Variants in KLF14 observed in about 807,000 individuals in gnomAD.
KLF14 encodes KLF transcription factor 14.
KLF14 carries 13 observed loss-of-function variants against 16.2 expected under a neutral mutation model. The ratio of observed to expected loss-of-function variants is 0.80; its 90% CI spans 0.52 to 1.28. KLF14 has a LOEUF of 1.28. Ranked by LOEUF, KLF14 falls within the 50% of genes most tolerant of loss-of-function variation. KLF14 has a pLI of 0.00. For synonymous variants in KLF14, 276 were observed against 233.7 expected (o/e 1.18, Z -1.65); for missense variants, 571 against 493.4 (o/e 1.16, Z -1.49).
At position 130,732,488 on chromosome 7, in the gene KLF14, G is replaced by A. The variant is rs1373619447; in HGVS notation, c.*574C>T. ...CCTAGCAGAGGTAGCTGGGGCAATT[G>A]GGGGATTGGAGGGCATAAGCCTCCC... On this transcript the variant is annotated 3_prime_UTR_variant, in exon 1 of 1. Transcript: ENST00000583337. 1.3e-5 allele frequency: 2 copies of A among 152,492 alleles called. No homozygotes were observed. The highest frequency in any genetic ancestry group is 2.1e-4 in the South Asian group (1 of 4,840). 9.4% of individuals were successfully genotyped at this position (152,492 alleles called of 1,614,324 possible).
rs1432478584 is a variant in KLF14 at position 130,734,001 on chromosome 7, G to A, written c.33C>T (p.Phe11=). Residue 11 remains phenylalanine, a synonymous_variant, in exon 1 of 1, where the codon TTC becomes TTT. Coordinates refer to ENST00000583337, the MANE Select transcript of KLF14 (RefSeq NM_138693.4). The surrounding 1 kb of genome is among the most constrained non-coding windows in gnomAD (Gnocchi z 4.4). MSAAVACLDY[F]AAECLVSMSA... is the part of the protein sequence containing the mutation. Reference sequence around the variant, plus strand: ...ACATGGACACCAGGCACTCGGCGGCGAAGTAGTCCAGGCACGCCACGGCGG... The same window carrying A: ...ACATGGACACCAGGCACTCGGCGGCAAAGTAGTCCAGGCACGCCACGGCGG... The A allele has an allele frequency of 1.5e-6, 2 of 1,371,980 alleles. No individual in the cohort carries two copies. Among genetic ancestry groups the A allele is most frequent in the East Asian group, 7.0e-5 (2 of 28,588 alleles). 85.0% of individuals were successfully genotyped at this position (1,371,980 alleles called of 1,614,324 possible). A position where few individuals can be genotyped will look rare whatever the true frequency, so the allele number is the denominator to read the frequency against.
chr7:130,733,773 G>T lies in KLF14; in HGVS notation c.261C>A (p.Ser87Arg), dbSNP rs782322641. ...GGAAPHLLAA[S>R]VWADLRGSSG... ...AGCTGCCGCGCAAGTCCGCCCAGAC[G>T]CTTGCAGCCAGCAGGTGGGGCGCGG... Residue 87 changes from serine to arginine, a missense_variant, in exon 1 of 1, where the codon AGC (serine) becomes AGA (arginine). Coordinates refer to ENST00000583337, the MANE Select transcript of KLF14 (RefSeq NM_138693.4). This position sits in a 1 kb window ranked among gnomAD's most constrained non-coding sequence, Gnocchi z 5.2. The T allele has an allele frequency of 1.3e-6, 2 of 1,509,228 alleles. No homozygotes were observed. The highest frequency in any genetic ancestry group is 1.8e-6 in the Non-Finnish European group (2 of 1,136,574). The allele number at this position is 1,509,228 out of a possible 1,614,324, so 93.5% of individuals were successfully genotyped here.
At position 130,733,806 on chromosome 7, in the gene KLF14, C is replaced by T. The variant is rs531488694; in HGVS notation, c.228G>A (p.Ala76=). 610 of 1,460,358 alleles carry T rather than the reference C, an allele frequency of 4.2e-4. 5 individuals carry two copies. The African/African-American group carries it at 8.2e-3, about 20-fold the overall frequency. 90.5% of individuals were successfully genotyped at this position (1,460,358 alleles called of 1,614,324 possible). A position where few individuals can be genotyped will look rare whatever the true frequency, so the allele number is the denominator to read the frequency against. Reference sequence around the variant, plus strand: ...CCAGCAGGTGGGGCGCGGCGCCGCCCGCGCCGGGGCTGGGGGCGGGGACCT... The same window carrying T: ...CCAGCAGGTGGGGCGCGGCGCCGCCTGCGCCGGGGCTGGGGGCGGGGACCT... ...LPQVPAPSPG[A]GGAAPHLLAA... is the part of the protein sequence containing the mutation. Residue 76 remains alanine, a synonymous_variant, in exon 1 of 1, where the codon GCG becomes GCA. Transcript: ENST00000583337. This position sits in a 1 kb window ranked among gnomAD's most constrained non-coding sequence, Gnocchi z 5.2.
At position 130,733,631 on chromosome 7, in the gene KLF14, C is replaced by T. The variant is rs782557540; in HGVS notation, c.403G>A (p.Ala135Thr). ...CTCTCGGGAGCGCAGACCGCCGCGG[C>T]GCCGGAGGCGGGAGCCAGCTCGGAG... Reference protein sequence around the residue: ...PCSELAPASGAAAVCAPESSS... With the variant: ...PCSELAPASGTAAVCAPESSS... Residue 135 changes from alanine (A) to threonine (T), a missense_variant, in exon 1 of 1, where the codon GCC becomes ACC. Coordinates refer to ENST00000583337, the MANE Select transcript of KLF14 (RefSeq NM_138693.4). The surrounding 1 kb of genome is among the most constrained non-coding windows in gnomAD (Gnocchi z 5.2). 4 of 1,537,260 alleles carry T rather than the reference C, an allele frequency of 2.6e-6. No individual in the cohort carries two copies. The highest frequency in any genetic ancestry group is 2.0e-5 in the Admixed American group (1 of 49,244).
In KLF14 at chr7:130,733,015, G is replaced by A. The variant is rs1554470747; in HGVS notation, c.*47C>T. 6.6e-7 allele frequency: 1 copy of A among 1,517,340 alleles called. No individual in the cohort carries two copies. Among genetic ancestry groups the A allele is most frequent in the Non-Finnish European group, 8.8e-7 (1 of 1,135,768 alleles). 94.0% of individuals were successfully genotyped at this position (1,517,340 alleles called of 1,614,324 possible). A position where few individuals can be genotyped will look rare whatever the true frequency, so the allele number is the denominator to read the frequency against. ...TGGGCAGAGAGAAAGCAGGGACAAC[G>A]GCCTGGGGGATCATCCTTGAGGGTA... On this transcript the variant is annotated 3_prime_UTR_variant, in exon 1 of 1. Transcript: ENST00000583337. This position sits in a 1 kb window ranked among gnomAD's most constrained non-coding sequence, Gnocchi z 5.2.
chr7:130,733,816 C>T lies in KLF14; in HGVS notation c.218G>A (p.Ser73Asn). ...VPQLPQVPAPSPGAGGAAPHL... is the reference protein window; with the variant it reads ...VPQLPQVPAPNPGAGGAAPHL... Reference sequence around the variant, plus strand: ...GGGCGCGGCGCCGCCCGCGCCGGGGCTGGGGGCGGGGACCTGCGGGAGCTG... The same window carrying T: ...GGGCGCGGCGCCGCCCGCGCCGGGGTTGGGGGCGGGGACCTGCGGGAGCTG... Residue 73 changes from serine to asparagine, a missense_variant, in exon 1 of 1, where the codon AGC becomes AAC. By Grantham distance (46) the Ser-to-Asn change is conservative. Coordinates refer to ENST00000583337, the MANE Select transcript of KLF14 (RefSeq NM_138693.4). The surrounding 1 kb of genome is among the most constrained non-coding windows in gnomAD (Gnocchi z 5.2). 5 of 1,438,996 alleles carry T rather than the reference C, an allele frequency of 3.5e-6. No homozygotes were observed. In the East Asian group the frequency reaches 1.2e-4, roughly 34 times the overall value. 89.1% of individuals were successfully genotyped at this position (1,438,996 alleles called of 1,614,324 possible). A position where few individuals can be genotyped will look rare whatever the true frequency, so the allele number is the denominator to read the frequency against.
chr7:130,733,758 C>G lies in KLF14; in HGVS notation c.276G>C (p.Leu92Phe), dbSNP rs993166133. ...HLLAASVWAD[L>F]RGSSGEGSWE... ...AGGAGCCCTCGCCAGAGCTGCCGCG[C>G]AAGTCCGCCCAGACGCTTGCAGCCA... Residue 92 changes from leucine (L) to phenylalanine (F), a missense_variant, in exon 1 of 1, where the codon TTG (leucine) becomes TTC (phenylalanine). Transcript: ENST00000583337. The surrounding 1 kb of genome is among the most constrained non-coding windows in gnomAD (Gnocchi z 5.2). The G allele has an allele frequency of 2.0e-6, 3 of 1,528,894 alleles. No homozygotes were observed. The highest frequency in any genetic ancestry group is 2.6e-6 in the Non-Finnish European group (3 of 1,145,640). 94.7% of individuals were successfully genotyped at this position (1,528,894 alleles called of 1,614,324 possible).
At position 130,733,988 on chromosome 7, in the gene KLF14, G is replaced by A. The variant is rs1797256368; in HGVS notation, c.46C>T (p.Leu16=). ...ACGGCGCCCGCGGACATGGACACCA[G>A]GCACTCGGCGGCGAAGTAGTCCAGG... is the stretch of plus-strand genomic sequence containing the variant. ...ACLDYFAAEC[L]VSMSAGAVVH... The change falls in exon 1 of 1, where the codon CTG becomes TTG. Residue 16 remains leucine, a synonymous_variant. Coordinates refer to ENST00000583337, the MANE Select transcript of KLF14 (RefSeq NM_138693.4). The surrounding 1 kb of genome is among the most constrained non-coding windows in gnomAD (Gnocchi z 5.2). The A allele has an allele frequency of 1.5e-6, 2 of 1,377,632 alleles. No homozygotes were observed. Among genetic ancestry groups the A allele is most frequent in the Non-Finnish European group, 1.9e-6 (2 of 1,060,732 alleles). 85.3% of individuals were successfully genotyped at this position (1,377,632 alleles called of 1,614,324 possible).
Position 130,733,999 on chromosome 7 carries a change from G to A in KLF14, c.35C>T (p.Ala12Val), listed in dbSNP as rs1797256602. The change falls in exon 1 of 1, where the codon GCC (alanine) becomes GTC (valine). Residue 12 changes from alanine to valine, a missense_variant. Transcript: ENST00000583337. The surrounding 1 kb of genome is among the most constrained non-coding windows in gnomAD (Gnocchi z 5.2). ...SAAVACLDYF[A>V]AECLVSMSAG... ...GGACATGGACACCAGGCACTCGGCGGCGAAGTAGTCCAGGCACGCCACGGC... is the reference window on the plus strand; with the variant it reads ...GGACATGGACACCAGGCACTCGGCGACGAAGTAGTCCAGGCACGCCACGGC... 3 of 1,375,190 alleles carry A rather than the reference G, an allele frequency of 2.2e-6. No homozygotes were observed. Among genetic ancestry groups the A allele is most frequent in the South Asian group, 2.9e-5 (2 of 69,674 alleles). 85.2% of individuals were successfully genotyped at this position (1,375,190 alleles called of 1,614,324 possible). A position where few individuals can be genotyped will look rare whatever the true frequency, so the allele number is the denominator to read the frequency against.
chr7:130,731,295 A>G lies in KLF14; in HGVS notation c.*1767T>C, dbSNP rs2116391109. The G allele has an allele frequency of 6.6e-6, 1 of 152,412 alleles. No homozygotes were observed. 9.4% of individuals were successfully genotyped at this position (152,412 alleles called of 1,614,324 possible). ...ACATGGTGTGAAGGGAGGGAACGTA[A>G]CCAGTTAAGAAAAGGGCTTTTGGGT... On this transcript the variant is annotated 3_prime_UTR_variant, in exon 1 of 1. Coordinates refer to ENST00000583337, the MANE Select transcript of KLF14 (RefSeq NM_138693.4).
chr7:130,732,855 G>A lies in KLF14; in HGVS notation c.*207C>T. 1 of 609,996 alleles carries A rather than the reference G, an allele frequency of 1.6e-6. No homozygotes were observed. The highest frequency in any genetic ancestry group is 2.4e-5 in the South Asian group (1 of 42,372). 37.8% of individuals were successfully genotyped at this position (609,996 alleles called of 1,614,324 possible). A position where few individuals can be genotyped will look rare whatever the true frequency, so the allele number is the denominator to read the frequency against. On this transcript the variant is annotated 3_prime_UTR_variant, in exon 1 of 1. Coordinates refer to ENST00000583337, the MANE Select transcript of KLF14 (RefSeq NM_138693.4). ...TTGAGGCAACCCCCACTTTTAGGAT[G>A]ATATACACGTTGCAAGAATTCCCGC...
rs552259945 is a variant in KLF14, at chr7:130,730,877, C to T, written c.*2185G>A. 6.6e-6 allele frequency among the ~76,000 whole-genome samples: 1 copy of T among 152,330 alleles called. No homozygotes were observed. The highest frequency in any genetic ancestry group is 2.4e-5 in the African/African-American group (1 of 41,574). Reference sequence around the variant, plus strand: ...AAACAGTAGTCTTCAATAGGACCCCCAATGCCCTAGCTATCCAGCCCTAGC... The same window carrying T: ...AAACAGTAGTCTTCAATAGGACCCCTAATGCCCTAGCTATCCAGCCCTAGC... On this transcript the variant is annotated 3_prime_UTR_variant, in exon 1 of 1. Coordinates refer to ENST00000583337, the MANE Select transcript of KLF14 (RefSeq NM_138693.4).
chr7:130,733,621 ACCGC>A lies in KLF14; in HGVS notation c.409_412del (p.Ala137SerfsTer34). On this transcript the variant is annotated frameshift_variant, in exon 1 of 1. Transcript: ENST00000583337. LOFTEE classifies it high-confidence loss of function. This position sits in a 1 kb window ranked among gnomAD's most constrained non-coding sequence, Gnocchi z 5.2. ...ATCGGAGGAGCTCTCGGGAGCGCAG[ACCGC>A]CGCGGCGCCGGAGGCGGGAGCCAGC... The A allele has an allele frequency of 6.5e-7, 1 of 1,535,516 alleles. No individual in the cohort carries two copies. Among genetic ancestry groups the A allele is most frequent in the Non-Finnish European group, 8.7e-7 (1 of 1,143,326 alleles).
Position 130,733,563 on chromosome 7 carries a change from C to A in KLF14, c.471G>T (p.Pro157=), listed in dbSNP as rs1227602971. The A allele has an allele frequency of 3.9e-6, 6 of 1,555,210 alleles. No homozygotes were observed. Among genetic ancestry groups the A allele is most frequent in the Non-Finnish European group, 4.3e-6 (5 of 1,150,748 alleles). The change falls in exon 1 of 1, where the codon CCG becomes CCT. Residue 157 remains proline (P), a synonymous_variant. Transcript: ENST00000583337. The surrounding 1 kb of genome is among the most constrained non-coding windows in gnomAD (Gnocchi z 5.2). ...ACCCACCAGAGGCTGCTGGTGCGCC[C>A]GGGGCAGCAGGCGCGCTTGGGACGG... ...APAVPSAPAA[P]GAPAASGGFS... is the part of the protein sequence containing the mutation.
Position 130,733,159 on chromosome 7 carries a change from C to A in KLF14, c.875G>T (p.Arg292Leu). Reference sequence around the variant, plus strand: ...GAGTGGCGGGTCGATGCGGGGAGTTCGACGACGTCCCCGGTACTCGATCAT... The same window carrying A: ...GAGTGGCGGGTCGATGCGGGGAGTTAGACGACGTCCCCGGTACTCGATCAT... ...PDMIEYRGRRRTPRIDPPLTS... is the reference protein window; with the variant it reads ...PDMIEYRGRRLTPRIDPPLTS... The change falls in exon 1 of 1, where the codon CGA (arginine) becomes CTA (leucine). Residue 292 changes from arginine to leucine, a missense_variant. Arg to Leu is a moderately radical substitution (Grantham distance 102, BLOSUM62 -2). Coordinates refer to ENST00000583337, the MANE Select transcript of KLF14 (RefSeq NM_138693.4). The surrounding 1 kb of genome is among the most constrained non-coding windows in gnomAD (Gnocchi z 5.2). The A allele has an allele frequency of 1.3e-6, 2 of 1,581,152 alleles. No homozygotes were observed. Among genetic ancestry groups the A allele is most frequent in the South Asian group, 1.2e-5 (1 of 86,686 alleles).
Position 130,734,167 on chromosome 7 carries a change from T to TGCCGCC in KLF14, c.-140_-135dup, listed in dbSNP as rs1200619008. ...CGGGTGCTCGCCGCCTGCCGCCTGC[T>TGCCGCC]GCCGCCGCCGCCGCCGCAGCCGCCG... On this transcript the variant is annotated 5_prime_UTR_variant, in exon 1 of 1. Transcript: ENST00000583337. This position sits in a 1 kb window ranked among gnomAD's most constrained non-coding sequence, Gnocchi z 4.4. 21 of 360,526 alleles carry TGCCGCC rather than the reference T, an allele frequency of 5.8e-5. No individual in the cohort carries two copies. Among genetic ancestry groups the TGCCGCC allele is most frequent in the South Asian group, 5.3e-4 (5 of 9,452 alleles). 22.3% of individuals were successfully genotyped at this position (360,526 alleles called of 1,614,324 possible).
In KLF14 at chr7:130,732,364, G is replaced by A. The variant is rs935074743; in HGVS notation, c.*698C>T. On this transcript the variant is annotated 3_prime_UTR_variant, in exon 1 of 1. Coordinates refer to ENST00000583337, the MANE Select transcript of KLF14 (RefSeq NM_138693.4). ...GAGAAGGGCTACGACGCAAGCGCAG[G>A]GTTCCAAATCATGCAACAGGACCTG... is the stretch of plus-strand genomic sequence containing the variant. 2 of 152,118 alleles carry A rather than the reference G, an allele frequency of 1.3e-5. No homozygotes were observed. Among genetic ancestry groups the A allele is most frequent in the African/African-American group, 4.8e-5 (2 of 41,368 alleles). The allele number at this position is 152,118 out of a possible 1,614,324, so 9.4% of individuals were successfully genotyped here.
At position 130,733,709 on chromosome 7, in the gene KLF14, G is replaced by A. The variant is rs1554471028; in HGVS notation, c.325C>T (p.Arg109Cys). 3 of 1,565,864 alleles carry A rather than the reference G, an allele frequency of 1.9e-6. No homozygotes were observed. The highest frequency in any genetic ancestry group is 1.8e-5 in the Admixed American group (1 of 55,296). The change falls in exon 1 of 1, where the codon CGC becomes TGC. Residue 109 changes from arginine to cysteine, a missense_variant. Arg to Cys is a radical substitution (Grantham distance 180, BLOSUM62 -3). Transcript: ENST00000583337. The surrounding 1 kb of genome is among the most constrained non-coding windows in gnomAD (Gnocchi z 5.2). Reference sequence around the variant, plus strand: ...GGGTCGGAGAAGCCGGACGAGGCGCGTGGAGCTTCCCCCGAGTTCTCCCAG... The same window carrying A: ...GGGTCGGAGAAGCCGGACGAGGCGCATGGAGCTTCCCCCGAGTTCTCCCAG... Reference protein sequence around the residue: ...GSWENSGEAPRASSGFSDPIP... With the variant: ...GSWENSGEAPCASSGFSDPIP...
At position 130,733,379 on chromosome 7, in the gene KLF14, G is replaced by C. The variant is rs781895082; in HGVS notation, c.655C>G (p.His219Asp). ...SSHLKSHQRT[H>D]TGERPFSCDW... Reference sequence around the variant, plus strand: ...CAGGAGAAAGGGCGCTCACCCGTGTGGGTGCGCTGGTGGGACTTGAGGTGC... The same window carrying C: ...CAGGAGAAAGGGCGCTCACCCGTGTCGGTGCGCTGGTGGGACTTGAGGTGC... The change falls in exon 1 of 1, where the codon CAC becomes GAC. Residue 219 changes from histidine to aspartate, a missense_variant. Transcript: ENST00000583337. This position sits in a 1 kb window ranked among gnomAD's most constrained non-coding sequence, Gnocchi z 5.2. The C allele has an allele frequency of 1.9e-6, 3 of 1,614,046 alleles. No individual in the cohort carries two copies. The highest frequency in any genetic ancestry group is 1.7e-5 in the Admixed American group (1 of 60,010).
Sources: allele counts gnomAD v4.1 joint callset (sites outside exome capture counted in the v4.1 genomes callset), GRCh38; gene constraint gnomAD v4.1.1; non-coding constraint Gnocchi (gnomAD v3.1); transcripts MANE v1.5; gene names NCBI Gene and HGNC (gene_info 2026-07-23, HGNC 2026-07-21).